Variants in ANO10 observed in about 807,000 individuals in gnomAD.
ANO10 encodes the protein anoctamin-10.
A neutral mutation model predicts 74.7 loss-of-function variants in ANO10; 77 were observed. That is an observed-to-expected ratio of 1.03 (90% CI 0.86 to 1.25). The LOEUF (loss-of-function observed/expected upper bound fraction) is 1.25, where lower values mean the gene tolerates loss of function less well. Among genes scored for constraint, ANO10 ranks in the 50% most tolerant of loss-of-function variants. The pLI, the probability that ANO10 is intolerant of heterozygous loss-of-function variation, is 0.00. For missense variants in ANO10, 721 were observed against 778.1 expected, an observed-to-expected ratio of 0.93 and a Z score of 0.87; for synonymous variants, 279 against 284.9, an observed-to-expected ratio of 0.98 and a Z score of 0.21.
intron 11 of ANO10, among the ~76,000 whole-genome samples, chr3:43,466,383 A>AAAC (rs1559575345): frequency 1.2e-3 from 91 of 76,330 alleles, no homozygotes; most frequent in African/African-American, 3.3e-3. Context: ...AAAAAAAAAA[A>AAAC]AAAACAAACA....
chr3:43,549,211 T>A (rs550663140), intron 11 of ANO10, among the ~76,000 whole-genome samples: 2 of 151,946 alleles, frequency 1.3e-5, no homozygotes, highest in Non-Finnish European at 2.9e-5. Context: ...CAGTCAATCC[T>A]CCTGCCTCAG....
chr3:43,572,985 T>C (rs753794069), intron 7 of ANO10, among the ~76,000 whole-genome samples: 7 of 149,648 alleles, frequency 4.7e-5, no homozygotes, highest in Non-Finnish European at 1.0e-4. Flanking sequence ...AAGAAGACTT[T>C]AACCAACGGC....
intron 4 of ANO10, among the ~76,000 whole-genome samples, chr3:43,584,886 A>C (rs1003409959): frequency 3.9e-5 from 6 of 152,108 alleles, no homozygotes; most frequent in Non-Finnish European, 8.8e-5. Flanking sequence ...AGCCCTGGCC[A>C]CCTTTCAGTC....
intron 1 of ANO10, among the ~76,000 whole-genome samples, chr3:43,608,209 A>T (rs767917051): frequency 3.9e-5 from 6 of 152,202 alleles, no homozygotes; most frequent in Non-Finnish European, 8.8e-5. Flanking sequence ...AAAAATAAAG[A>T]CAAAGTACCT....
chr3:43,379,609 C>G (rs747245944), intron 12 of ANO10, among the ~76,000 whole-genome samples: 2 of 152,120 alleles, frequency 1.3e-5, no homozygotes, highest in South Asian at 2.1e-4. Flanking sequence ...GGCATGTAGC[C>G]TAGAGAAAGT....
intron 12 of ANO10, among the ~76,000 whole-genome samples, chr3:43,432,134 T>C (rs911752146): frequency 5.3e-5 from 8 of 150,582 alleles, no homozygotes; most frequent in African/African-American, 2.0e-4. Flanking sequence ...TTTTTTTTTT[T>C]GTAGTCTCTG....
chr3:43,688,863 A>T (rs969384383), intron 1 of ANO10, among the ~76,000 whole-genome samples: 1 of 151,880 alleles, frequency 6.6e-6, no homozygotes, highest in Non-Finnish European at 1.5e-5. Flanking sequence ...AAAAAAAAGA[A>T]TTACCTGGGA....
At chr3:43,413,773 G>A (rs1207962256) in intron 12 of ANO10, among the ~76,000 whole-genome samples, 1 of 151,016 alleles carries the variant, frequency 6.6e-6, no homozygotes, top group Non-Finnish European at 1.5e-5. Context: ...CAAATTGACT[G>A]CACGGCTGAA....
rs2091415651 is a variant in ANO10, at chr3:43,366,506, C to T, written c.*400G>A. 2 of 360,740 alleles carry T rather than the reference C, an allele frequency of 5.5e-6. No homozygotes were observed. Among genetic ancestry groups the T allele is most frequent in the Non-Finnish European group, 1.1e-5 (2 of 186,418 alleles). 22.3% of individuals were successfully genotyped at this position (360,740 alleles called of 1,614,324 possible). Reference sequence around the variant, plus strand: ...TCCTGTGATGAGCACAGTGGGCACACACCCCATCCCCAACCTGTCCACGGG... The same window carrying T: ...TCCTGTGATGAGCACAGTGGGCACATACCCCATCCCCAACCTGTCCACGGG... On this transcript the variant is annotated 3_prime_UTR_variant, in exon 13 of 13. Coordinates refer to ENST00000292246, the MANE Select transcript of ANO10 (RefSeq NM_018075.5).
intron 1 of ANO10, among the ~76,000 whole-genome samples, chr3:43,645,658 T>C (rs1285689852): frequency 2.0e-5 from 3 of 152,176 alleles, no homozygotes; most frequent in South Asian, 2.1e-4. Context: ...GGCTGTGCTA[T>C]GTTTGCTTAA....
At chr3:43,572,066 C>T (rs142251370) in intron 7 of ANO10, among the ~76,000 whole-genome samples, 2 of 152,252 alleles carry the variant, frequency 1.3e-5, no homozygotes, top group East Asian at 3.9e-4. Context: ...ACAGCACGTG[C>T]ACACCTTAAG....
At chr3:43,499,498 A>T (rs1186614704) in intron 11 of ANO10, among the ~76,000 whole-genome samples, 2 of 152,240 alleles carry the variant, frequency 1.3e-5, no homozygotes, top group East Asian at 3.9e-4. Context: ...GGGCATTTGC[A>T]AGGCACAGAA....
intron 12 of ANO10, among the ~76,000 whole-genome samples, chr3:43,408,973 A>G (rs1575697992): frequency 6.6e-6 from 1 of 152,150 alleles, no homozygotes; most frequent in Admixed American, 6.5e-5. Flanking sequence ...AAGAGGCTGC[A>G]GTGGGTCAAG....
chr3:43,385,925 A>G (rs770690804), intron 12 of ANO10, among the ~76,000 whole-genome samples: 5 of 152,208 alleles, frequency 3.3e-5, no homozygotes, highest in Non-Finnish European at 7.3e-5. Flanking sequence ...AAAAAAAATT[A>G]AATGTGACAA....
intron 11 of ANO10, among the ~76,000 whole-genome samples, chr3:43,519,355 C>T (rs376251061): frequency 1.3e-5 from 2 of 152,118 alleles, no homozygotes; most frequent in Admixed American, 6.5e-5. Flanking sequence ...ACAAACTCAC[C>T]GCTGGAGCAC....
intron 11 of ANO10, among the ~76,000 whole-genome samples, chr3:43,524,168 C>A (rs2078084270): frequency 6.6e-6 from 1 of 152,156 alleles, no homozygotes; most frequent in African/African-American, 2.4e-5. Context: ...CAGGAAGAAG[C>A]TCAGGAACAG....
At chr3:43,672,303 C>T (rs555727651) in intron 1 of ANO10, among the ~76,000 whole-genome samples, 1 of 152,258 alleles carries the variant, frequency 6.6e-6, no homozygotes, top group South Asian at 2.1e-4. Context: ...GTGGGAGGAT[C>T]ACTTGAGCCC....
intron 11 of ANO10, among the ~76,000 whole-genome samples, chr3:43,497,464 C>T (rs2076957652): frequency 6.6e-6 from 1 of 152,234 alleles, no homozygotes; most frequent in African/African-American, 2.4e-5. Flanking sequence ...GCAGCACACA[C>T]TTTCTGCTCT....
intron 11 of ANO10, among the ~76,000 whole-genome samples, chr3:43,479,322 A>T (rs1368660524): frequency 4.6e-5 from 7 of 152,200 alleles, no homozygotes; most frequent in Admixed American, 2.6e-4. Context: ...TTACATTTTA[A>T]ACATTGTTGT....
Sources: gnomAD v4.1 joint callset for allele counts (sites outside exome capture counted in the v4.1 genomes callset) on GRCh38, gnomAD v4.1.1 for gene constraint, MANE v1.5 for transcripts, NCBI Gene and HGNC (gene_info 2026-07-23, HGNC 2026-07-21) for gene names.